The following NME8 variants were observed in gnomAD, a reference collection of about 807,000 sequenced individuals.
The protein encoded by NME8 is protein NME8.
NME8 carries 72 observed loss-of-function variants against 82.3 expected under a neutral mutation model. The ratio of observed to expected loss-of-function variants is 0.87; its 90% CI spans 0.72 to 1.06. The LOEUF (loss-of-function observed/expected upper bound fraction) is 1.06. NME8 is among the 50% of genes least tolerant of loss of function. The pLI is 0.00. For missense variants in NME8, 712 were observed against 685.4 expected, an observed-to-expected ratio of 1.04 and a Z score of -0.43; for synonymous variants, 267 against 228.5, an observed-to-expected ratio of 1.17 and a Z score of -1.52.
intron 12 of NME8, among the ~76,000 whole-genome samples, chr7:37,881,370 G>T (rs1026086211): frequency 1.3e-5 from 2 of 152,102 alleles, no homozygotes; most frequent in Admixed American, 6.6e-5. Context: ...ATCATGAATT[G>T]GTATTAAATT....
chr7:37,879,176 T>C lies in NME8; in HGVS notation c.994+2169T>C, dbSNP rs563242003. 5.1e-4 allele frequency among the ~76,000 whole-genome samples: 77 copies of C among 152,050 alleles called. 1 individual carries two copies. The highest frequency in any genetic ancestry group is 1.7e-3 in the African/African-American group (70 of 41,456). On this transcript the variant is annotated intron_variant, in intron 12 of 17. Coordinates refer to ENST00000199447, the MANE Select transcript of NME8 (RefSeq NM_016616.5). ...TTTATTTTTATTTTTTGAGATGGAG[T>C]CTTGCTCTGTCACCCAGGCTGGAGT...
intron 12 of NME8, among the ~76,000 whole-genome samples, chr7:37,882,261 C>T (rs1189670140): frequency 3.3e-5 from 5 of 152,096 alleles, no homozygotes; most frequent in African/African-American, 9.6e-5. Context: ...GCCAGGCAGC[C>T]GCATTGCTTG....
At chr7:37,899,996 G>A (rs1279253317) in intron 17 of NME8, among the ~76,000 whole-genome samples, 2 of 152,100 alleles carry the variant, frequency 1.3e-5, no homozygotes, top group Non-Finnish European at 2.9e-5. Context: ...GAACGGGTTG[G>A]GTAGAAATCT....
chr7:37,885,333 A>C, intron 14 of NME8, 81 bp downstream of exon 14: 1 of 872,998 alleles, frequency 1.1e-6, no homozygotes, highest in Admixed American at 1.9e-5. Context: ...TATTGGAACC[A>C]CAGCTCTAGT....
At chr7:37,885,561 C>T (rs1282212157) in intron 14 of NME8, among the ~76,000 whole-genome samples, 1 of 152,134 alleles carries the variant, frequency 6.6e-6, no homozygotes, top group Admixed American at 6.5e-5. Flanking sequence ...AGGAGAAATT[C>T]CTTTGAGAAG....
intron 4 of NME8, 70 bp downstream of exon 4, chr7:37,850,505 C>G: frequency 6.4e-7 from 1 of 1,574,448 alleles, no homozygotes. Flanking sequence ...CCCTGTCCCT[C>G]TAGAGTCCCC....
At chr7:37,870,134 G>A (rs1018859293) in intron 11 of NME8, among the ~76,000 whole-genome samples, 1 of 151,784 alleles carries the variant, frequency 6.6e-6, no homozygotes, top group African/African-American at 2.4e-5. Context: ...TTGCCAGATG[G>A]TCTATAACAG....
chr7:37,875,494 T>G (rs1214211191), intron 11 of NME8, among the ~76,000 whole-genome samples: 2 of 151,988 alleles, frequency 1.3e-5, no homozygotes, highest in Non-Finnish European at 2.9e-5. Context: ...TATGGGACAG[T>G]GTTAACAGTT....
At chr7:37,872,308 C>G (rs1371209010) in intron 11 of NME8, among the ~76,000 whole-genome samples, 1 of 152,162 alleles carries the variant, frequency 6.6e-6, no homozygotes, top group African/African-American at 2.4e-5. Context: ...ATCTTGCCTT[C>G]CAACTACAGG....
intron 16 of NME8, 63 bp from the exon 17 acceptor site, chr7:37,896,807 C>G: frequency 7.2e-7 from 1 of 1,383,100 alleles, no homozygotes; most frequent in Non-Finnish European, 1.0e-6. Context: ...CTGTCTTTAG[C>G]CTTGTTTGCA....
chr7:37,854,807 C>A (rs1369021495), intron 5 of NME8, among the ~76,000 whole-genome samples: 2 of 151,962 alleles, frequency 1.3e-5, no homozygotes, highest in Non-Finnish European at 2.9e-5. Context: ...ACCTTTCACC[C>A]CCCACCTTTT....
At chr7:37,852,712 C>CA (rs1262382561) in intron 5 of NME8, among the ~76,000 whole-genome samples, 1 of 152,018 alleles carries the variant, frequency 6.6e-6, no homozygotes. Flanking sequence ...CTGGATATAC[C>CA]AGGGTTTATT....
chr7:37,848,982 G>A lies in NME8; in HGVS notation c.-82G>A, dbSNP rs983212236. On this transcript the variant is annotated 5_prime_UTR_variant, in exon 2 of 18. Transcript: ENST00000199447. ...CTCAAACGGCCACAACGAGGGAGCC[G>A]ATTTAGATCCTCTGGGCCTGTTCCT... The A allele has an allele frequency of 6.6e-6, 1 of 152,312 alleles. No individual in the cohort carries two copies. Among genetic ancestry groups the A allele is most frequent in the African/African-American group, 2.4e-5 (1 of 41,450 alleles). The allele number at this position is 152,312 out of a possible 1,614,324, so 9.4% of individuals were successfully genotyped here. A position where few individuals can be genotyped will look rare whatever the true frequency, so the allele number is the denominator to read the frequency against.
At chr7:37,875,300 T>G (rs1010256519) in intron 11 of NME8, among the ~76,000 whole-genome samples, 7 of 152,228 alleles carry the variant, frequency 4.6e-5, no homozygotes, top group Admixed American at 2.6e-4. Flanking sequence ...GAATACGGAC[T>G]GTTTATGAGG....
intron 11 of NME8, among the ~76,000 whole-genome samples, chr7:37,868,439 AAGCCTGGTACCAG>A (rs1784723631): frequency 1.3e-5 from 2 of 151,996 alleles, no homozygotes; most frequent in African/African-American, 4.8e-5. Context: ...CTTTTTTTTT[AAGCCTGGTACCAG>A]ATGCCAGCTT....
At chr7:37,882,635 GAA>G (rs1165140097) in intron 12 of NME8, among the ~76,000 whole-genome samples, 24 of 62,220 alleles carry the variant, frequency 3.9e-4, no homozygotes, top group Non-Finnish European at 7.9e-4. Flanking sequence ...AAGAAAGAAA[GAA>G]AGAAAGAGAA....
rs1785242095 is a variant in NME8 at position 37,897,125 on chromosome 7, T to A, written c.*15+18T>A. Reference sequence around the variant, plus strand: ...ACTGTGAAGTACGTACCTGTTTAATTATTATTTTATTTTATTTGCTTGTTG... The same window carrying A: ...ACTGTGAAGTACGTACCTGTTTAATAATTATTTTATTTTATTTGCTTGTTG... On this transcript the variant is annotated intron_variant, in intron 17 of 17. Coordinates refer to ENST00000199447, the MANE Select transcript of NME8 (RefSeq NM_016616.5). 1 of 1,430,306 alleles carries A rather than the reference T, an allele frequency of 7.0e-7. No individual in the cohort carries two copies. The highest frequency in any genetic ancestry group is 1.4e-5 in the African/African-American group (1 of 70,506). The allele number at this position is 1,430,306 out of a possible 1,614,324, so 88.6% of individuals were successfully genotyped here. A position where few individuals can be genotyped will look rare whatever the true frequency, so the allele number is the denominator to read the frequency against.
At chr7:37,887,065 A>G (rs528602736) in intron 14 of NME8, among the ~76,000 whole-genome samples, 16 of 152,150 alleles carry the variant, frequency 1.1e-4, no homozygotes, top group African/African-American at 3.9e-4. Flanking sequence ...AAGGGAAAAA[A>G]GTGAAATGAG....
At chr7:37,863,548 T>C in intron 8 of NME8, 86 bp downstream of exon 8, 1 of 789,652 alleles carries the variant, frequency 1.3e-6, no homozygotes, top group Non-Finnish European at 2.3e-6. Context: ...AAAACACTGG[T>C]AACAAATCCA....
Sources: gnomAD v4.1 joint callset for allele counts (sites outside exome capture counted in the v4.1 genomes callset) on GRCh38, gnomAD v4.1.1 for gene constraint, MANE v1.5 for transcripts, NCBI Gene and HGNC (gene_info 2026-07-23, HGNC 2026-07-21) for gene names.